PFDN2: variants seen among roughly 807,000 people sequenced by gnomAD.
PFDN2 encodes prefoldin subunit 2.
A neutral mutation model predicts 18.3 loss-of-function variants in PFDN2; 7 were observed. The observed-to-expected ratio is 0.38, with a 90% CI of 0.22 to 0.72. The LOEUF (loss-of-function observed/expected upper bound fraction) is 0.72. Among genes scored for constraint, PFDN2 ranks in the 30% least tolerant of loss-of-function variants. The pLI, the probability that PFDN2 is intolerant of heterozygous loss-of-function variation, is 0.47. For missense variants in PFDN2, 181 were observed against 199.1 expected, an observed-to-expected ratio of 0.91 and a Z score of 0.55; for synonymous variants, 76 against 75.0, an observed-to-expected ratio of 1.01 and a Z score of -0.07.
In PFDN2 at chr1:161,102,061, T is replaced by C; in HGVS notation, c.275A>G (p.Asn92Ser). 1 of 1,614,210 alleles carries C rather than the reference T, an allele frequency of 6.2e-7. No individual in the cohort carries two copies. Among genetic ancestry groups the C allele is most frequent in the Non-Finnish European group, 8.5e-7 (1 of 1,180,020 alleles). The change falls in exon 3 of 4, where the codon AAC becomes AGC. Residue 92 changes from asparagine to serine, a missense_variant. Transcript: ENST00000368010. Reference sequence around the variant, plus strand: ...ATTCTTGCTCACCTGCTCCTTGTTGTTCTCCAAAGCGGGCAGCACCTCTTT... The same window carrying C: ...ATTCTTGCTCACCTGCTCCTTGTTGCTCTCCAAAGCGGGCAGCACCTCTTT... Reference protein sequence around the residue: ...TVKEVLPALENNKEQIQKIIE... With the variant: ...TVKEVLPALESNKEQIQKIIE...
intron 1 of PFDN2, among the ~76,000 whole-genome samples, chr1:161,113,819 T>C (rs1017734236): frequency 4.6e-5 from 7 of 152,200 alleles, no homozygotes; most frequent in Non-Finnish European, 8.8e-5. Context: ...TCTAACACAA[T>C]GTGTTATTTG....
chr1:161,105,520 C>G (rs1181336285), intron 1 of PFDN2, among the ~76,000 whole-genome samples: 1 of 151,018 alleles, frequency 6.6e-6, no homozygotes, highest in East Asian at 2.0e-4. Context: ...TGCAGTGGCG[C>G]GATCTCAGCT....
At position 161,100,605 on chromosome 1, in the gene PFDN2, G is replaced by A; in HGVS notation, c.*78C>T. The A allele has an allele frequency of 9.6e-7, 1 of 1,037,332 alleles. No homozygotes were observed. Among genetic ancestry groups the A allele is most frequent in the South Asian group, 1.9e-5 (1 of 51,428 alleles). 64.3% of individuals were successfully genotyped at this position (1,037,332 alleles called of 1,614,324 possible). On this transcript the variant is annotated 3_prime_UTR_variant, in exon 4 of 4. Transcript: ENST00000368010. ...TTAACAAAAAAATATTACAATAGCA[G>A]AGAAAATAATAATAATAACAATAAA...
chr1:161,116,300 G>C (rs1168210178), intron 1 of PFDN2, among the ~76,000 whole-genome samples: 1 of 152,158 alleles, frequency 6.6e-6, no homozygotes, highest in Non-Finnish European at 1.5e-5. Flanking sequence ...CGGATCACTT[G>C]AGGTCAGGAG....
intron 1 of PFDN2, among the ~76,000 whole-genome samples, chr1:161,108,502 A>C (rs10218622): frequency 6.8e-6 from 1 of 147,738 alleles, no homozygotes; most frequent in African/African-American, 2.5e-5. Flanking sequence ...GACATAGAGG[A>C]TGCAGTGAGC....
At chr1:161,111,525 G>C (rs1654809252) in intron 1 of PFDN2, among the ~76,000 whole-genome samples, 1 of 152,146 alleles carries the variant, frequency 6.6e-6, no homozygotes, top group Admixed American at 6.6e-5. Flanking sequence ...CCTTTGATTT[G>C]TGACAACCAA....
At chr1:161,104,429 TTTTTTCTTTTTC>T (rs573319330) in intron 1 of PFDN2, among the ~76,000 whole-genome samples, 1 of 151,636 alleles carries the variant, frequency 6.6e-6, no homozygotes, top group African/African-American at 2.4e-5. Context: ...CCCTATCTCT[TTTTTTCTTTTTC>T]TTTTTCTTTT....
In PFDN2 at chr1:161,117,742, C is replaced by A. The variant is rs542871983; in HGVS notation, c.75+210G>T. Among the ~76,000 whole-genome samples the A allele has an allele frequency of 6.6e-5, 10 of 152,354 alleles. No individual in the cohort carries two copies. In the South Asian group the frequency reaches 1.9e-3, roughly 28 times the overall value. ...TCAGGGCTTTCCCCTTGCTCAGGCT[C>A]ACCCACCACCTCACGGAGGCGTGGC... On this transcript the variant is annotated intron_variant, in intron 1 of 3. Coordinates refer to ENST00000368010, the MANE Select transcript of PFDN2 (RefSeq NM_012394.4).
intron 1 of PFDN2, among the ~76,000 whole-genome samples, chr1:161,102,782 ACT>A (rs916917402): frequency 1.3e-5 from 2 of 151,766 alleles, no homozygotes; most frequent in Non-Finnish European, 2.9e-5. Context: ...ACATGGTGAA[ACT>A]CTGTCGCTAC....
intron 1 of PFDN2, among the ~76,000 whole-genome samples, chr1:161,109,782 C>T (rs1654759229): frequency 6.6e-6 from 1 of 152,124 alleles, no homozygotes; most frequent in African/African-American, 2.4e-5. Flanking sequence ...TCACTTCAGG[C>T]CAGGAGTTCG....
intron 1 of PFDN2, among the ~76,000 whole-genome samples, chr1:161,108,540 G>A (rs982871039): frequency 2.0e-5 from 3 of 151,190 alleles, no homozygotes; most frequent in African/African-American, 7.3e-5. Flanking sequence ...ACTCCAGCCT[G>A]GGCAATAGAG....
chr1:161,101,960 C>T (rs1023057564), intron 3 of PFDN2, 88 bp downstream of exon 3: 15 of 1,392,182 alleles, frequency 1.1e-5, no homozygotes, highest in Admixed American at 3.7e-5. Context: ...CTCGAACTCC[C>T]GGACTCAAAG....
At position 161,114,670 on chromosome 1, in the gene PFDN2, T is replaced by C. The variant is rs1004469286; in HGVS notation, c.75+3282A>G. Among the ~76,000 whole-genome samples the C allele has an allele frequency of 3.9e-5, 6 of 152,218 alleles. No homozygotes were observed. In the South Asian group the frequency reaches 6.2e-4, roughly 16 times the overall value. ...AAATTCAGTGATGAGGTAGGTATTG[T>C]TATGTTTCTACAGATGGGGGAGGCC... On this transcript the variant is annotated intron_variant, in intron 1 of 3. Transcript: ENST00000368010.
At chr1:161,103,982 T>A (rs932119743) in intron 1 of PFDN2, among the ~76,000 whole-genome samples, 1 of 152,138 alleles carries the variant, frequency 6.6e-6, no homozygotes, top group African/African-American at 2.4e-5. Context: ...TGAATCATTT[T>A]AAAAACATGA....
intron 1 of PFDN2, among the ~76,000 whole-genome samples, chr1:161,102,688 G>C (rs559548189): frequency 1.3e-5 from 2 of 152,150 alleles, no homozygotes; most frequent in South Asian, 4.2e-4. Context: ...GGCCAGGTGC[G>C]GTGGCTCACA....
Position 161,102,303 on chromosome 1 carries a change from C to T in PFDN2, c.148G>A (p.Glu50Lys). Residue 50 changes from glutamate (E) to lysine (K), a missense_variant, in exon 2 of 4, where the codon GAG (glutamate) becomes AAG (lysine). Glu to Lys is a moderately conservative substitution (Grantham distance 56). Coordinates refer to ENST00000368010, the MANE Select transcript of PFDN2 (RefSeq NM_012394.4). ...LASKAAELEMELNEHSLVIDT... is the reference protein window; with the variant it reads ...LASKAAELEMKLNEHSLVIDT... The stretch of plus-strand genomic sequence containing the variant: ...CTTTCTCACCTGTGCTCATTCAACT[C>T]CATCTCCAACTCAGCTGCTTTGGAT... The T allele has an allele frequency of 6.2e-7, 1 of 1,614,178 alleles. No homozygotes were observed. Among genetic ancestry groups the T allele is most frequent in the Non-Finnish European group, 8.5e-7 (1 of 1,179,980 alleles).
At chr1:161,101,065 T>C (rs1180376420) in intron 3 of PFDN2, among the ~76,000 whole-genome samples, 1 of 152,216 alleles carries the variant, frequency 6.6e-6, no homozygotes, top group Non-Finnish European at 1.5e-5. Flanking sequence ...CTTATTTTTA[T>C]TTTTTACAGA....
chr1:161,102,421 CA>C, intron 1 of PFDN2, 46 bp from the exon 2 acceptor site: 1 of 1,444,630 alleles, frequency 6.9e-7, no homozygotes, highest in Non-Finnish European at 9.7e-7. Context: ...GTGGAAATGG[CA>C]GAGGGTCCAG....
intron 1 of PFDN2, among the ~76,000 whole-genome samples, chr1:161,107,377 A>G (rs1309950562): frequency 7.1e-6 from 1 of 140,488 alleles, no homozygotes; most frequent in Non-Finnish European, 1.5e-5. Flanking sequence ...GTGAGCCGAG[A>G]TCGTGCCACT....
Sources: allele counts gnomAD v4.1 joint callset (sites outside exome capture counted in the v4.1 genomes callset), GRCh38; gene constraint gnomAD v4.1.1; transcripts MANE v1.5; gene names NCBI Gene and HGNC (gene_info 2026-07-23, HGNC 2026-07-21).